PMM2: variants seen among roughly 807,000 people sequenced by gnomAD.
The protein encoded by PMM2 is mannose-6-phosphate isomerase.
PMM2 carries 35 observed loss-of-function variants against 33.2 expected under a neutral mutation model. The observed-to-expected ratio is 1.06, with a 90% CI of 0.81 to 1.40. The LOEUF is 1.40. Among genes scored for constraint, PMM2 ranks in the 40% most tolerant of loss-of-function variants. PMM2 has a pLI of 0.00. For missense variants in PMM2, 386 were observed against 306.0 expected, an observed-to-expected ratio of 1.26 and a Z score of -1.95; for synonymous variants, 153 against 114.7, an observed-to-expected ratio of 1.33 and a Z score of -2.13.
intron 7 of PMM2, 193 bp from the exon 8 acceptor site, chr16:8,847,528 GAGA>G (rs1355581833): frequency 3.9e-5 from 23 of 593,504 alleles, no homozygotes; most frequent in Non-Finnish European, 6.1e-5. Flanking sequence ...TGCAGTTCAA[GAGA>G]AGGTTATAAA....
chr16:8,848,083 C>T lies in PMM2; in HGVS notation c.*258C>T, dbSNP rs1347962773. 7 of 489,816 alleles carry T rather than the reference C, an allele frequency of 1.4e-5. No individual in the cohort carries two copies. Among genetic ancestry groups the T allele is most frequent in the African/African-American group, 1.2e-4 (6 of 49,880 alleles). The allele number at this position is 489,816 out of a possible 1,614,324, so 30.3% of individuals were successfully genotyped here. On this transcript the variant is annotated 3_prime_UTR_variant, in exon 8 of 8. Coordinates refer to ENST00000268261, the MANE Select transcript of PMM2 (RefSeq NM_000303.3). Reference sequence around the variant, plus strand: ...CCCCACCCACCCCCAGCCCCCTAGTCTAATACCCACCCTGATACGTGCAAT... The same window carrying T: ...CCCCACCCACCCCCAGCCCCCTAGTTTAATACCCACCCTGATACGTGCAAT...
intron 7 of PMM2, among the ~76,000 whole-genome samples, chr16:8,826,559 C>T (rs1272177420): frequency 6.6e-6 from 1 of 152,168 alleles, no homozygotes; most frequent in Non-Finnish European, 1.5e-5. Flanking sequence ...TAATTCAGAC[C>T]AAATGAAGAC....
At chr16:8,832,785 C>T (rs2060818558) in intron 7 of PMM2, 2 of 985,248 alleles carry the variant, frequency 2.0e-6, no homozygotes, top group Non-Finnish European at 2.4e-6. Flanking sequence ...TCTGTGAGGC[C>T]CGCTGTGGCC....
At chr16:8,830,803 A>T (rs2060805151) in intron 7 of PMM2, among the ~76,000 whole-genome samples, 1 of 152,222 alleles carries the variant, frequency 6.6e-6, no homozygotes. Context: ...CCAGGCAAGA[A>T]GGGGGTTTAT....
chr16:8,841,856 A>T (rs1449407720), intron 7 of PMM2, among the ~76,000 whole-genome samples: 1 of 149,040 alleles, frequency 6.7e-6, no homozygotes, highest in East Asian at 2.0e-4. Context: ...CTTAACAAAG[A>T]GTGAGTACAG....
chr16:8,804,769 G>A lies in PMM2; in HGVS notation c.181G>A (p.Val61Ile). 6.2e-7 allele frequency: 1 copy of A among 1,611,624 alleles called. No individual in the cohort carries two copies. Among genetic ancestry groups the A allele is most frequent in the Non-Finnish European group, 8.5e-7 (1 of 1,177,794 alleles). Residue 61 changes from valine to isoleucine, a missense_variant and splice_region_variant, in exon 3 of 8, where the codon GTT (valine) becomes ATT (isoleucine). By Grantham distance (29) the Val-to-Ile change is conservative. Transcript: ENST00000268261. ...KVQEQLGNDV[V>I]EKYDYVFPEN... ...TGTTTTTTTGGTTTTGATTGTAGTG[G>A]TTGAAAAATACGATTATGTGTTTCC...
chr16:8,805,452 C>G (rs574001444), intron 3 of PMM2, among the ~76,000 whole-genome samples: 1 of 152,178 alleles, frequency 6.6e-6, no homozygotes, highest in Non-Finnish European at 1.5e-5. Context: ...CCTAGAACTC[C>G]TGGGCACAGG....
chr16:8,835,820 C>T (rs2141041585), intron 7 of PMM2, among the ~76,000 whole-genome samples: 1 of 151,782 alleles, frequency 6.6e-6, no homozygotes, highest in South Asian at 2.1e-4. Flanking sequence ...GTAAGGGGTG[C>T]ATGATTGGTT....
intron 7 of PMM2, among the ~76,000 whole-genome samples, chr16:8,820,128 C>T (rs1305653844): frequency 2.6e-5 from 4 of 152,108 alleles, no homozygotes; most frequent in Non-Finnish European, 4.4e-5. Flanking sequence ...ACCCGGGAGG[C>T]GGAGGTTGCA....
intron 7 of PMM2, among the ~76,000 whole-genome samples, chr16:8,830,865 A>G (rs2060805460): frequency 1.3e-5 from 2 of 152,246 alleles, no homozygotes; most frequent in Middle Eastern, 3.2e-3. Context: ...TAGGCCGGGC[A>G]GGGTGGCTCA....
At chr16:8,817,656 G>A (rs535125349) in intron 7 of PMM2, among the ~76,000 whole-genome samples, 3 of 152,076 alleles carry the variant, frequency 2.0e-5, no homozygotes, top group Admixed American at 6.5e-5. Context: ...TCTTACCTAC[G>A]TTTTAAAAAA....
chr16:8,833,962 G>A (rs1286033298), intron 7 of PMM2, among the ~76,000 whole-genome samples: 2 of 151,734 alleles, frequency 1.3e-5, no homozygotes, highest in African/African-American at 4.9e-5. Context: ...GTGTAAACAA[G>A]AGCAGGGCAT....
chr16:8,820,499 G>A (rs893849460), intron 7 of PMM2, among the ~76,000 whole-genome samples: 1 of 151,978 alleles, frequency 6.6e-6, no homozygotes, highest in Admixed American at 6.6e-5. Context: ...GATTACCGGT[G>A]CCCACCACCA....
chr16:8,842,707 CTTG>C (rs1435986628), intron 7 of PMM2, among the ~76,000 whole-genome samples: 3 of 152,222 alleles, frequency 2.0e-5, no homozygotes, highest in Non-Finnish European at 4.4e-5. Context: ...ATCTGTAAGA[CTTG>C]TCCGGTTTCT....
chr16:8,814,029 G>C (rs966995926), intron 7 of PMM2, among the ~76,000 whole-genome samples: 1 of 151,864 alleles, frequency 6.6e-6, no homozygotes, highest in African/African-American at 2.4e-5. Flanking sequence ...ACCACACCTG[G>C]CTGATTTTTG....
intron 7 of PMM2, among the ~76,000 whole-genome samples, chr16:8,843,826 C>G (rs1049564917): frequency 3.9e-5 from 6 of 151,912 alleles, no homozygotes; most frequent in Non-Finnish European, 8.8e-5. Flanking sequence ...CTTTTAGGGT[C>G]TAGGGGCTGA....
intron 7 of PMM2, among the ~76,000 whole-genome samples, chr16:8,841,262 G>C (rs1711807980): frequency 6.6e-6 from 1 of 151,152 alleles, no homozygotes; most frequent in African/African-American, 2.4e-5. Flanking sequence ...TCCGTTATCA[G>C]ACTGTATAGA....
intron 4 of PMM2, 186 bp downstream of exon 4, chr16:8,806,593 C>T: frequency 1.6e-6 from 1 of 622,132 alleles, no homozygotes; most frequent in South Asian, 1.8e-5. Context: ...CTTGGAAATC[C>T]ACATTTTCTC....
intron 7 of PMM2, among the ~76,000 whole-genome samples, chr16:8,836,099 G>A (rs562819840): frequency 2.5e-4 from 38 of 151,734 alleles, no homozygotes; most frequent in Admixed American, 5.9e-4. Flanking sequence ...AAGCCTGGCC[G>A]TCAATACCCA....
Sources: gnomAD v4.1 joint callset for allele counts (sites outside exome capture counted in the v4.1 genomes callset) on GRCh38, gnomAD v4.1.1 for gene constraint, MANE v1.5 for transcripts, NCBI Gene and HGNC (gene_info 2026-07-23, HGNC 2026-07-21) for gene names.